NWD1: variants seen among roughly 807,000 people sequenced by gnomAD.
NWD1 encodes the protein NACHT and WD repeat domain containing 1.
NWD1 carries 129 observed loss-of-function variants against 135.1 expected under a neutral mutation model. The observed-to-expected ratio is 0.96, with a 90% CI of 0.83 to 1.11. The LOEUF (loss-of-function observed/expected upper bound fraction) is 1.11. NWD1 is among the 50% of genes least tolerant of loss of function. The pLI, the probability that NWD1 is intolerant of heterozygous loss-of-function variation, is 0.00. For synonymous variants in NWD1, 773 were observed against 786.0 expected (o/e 0.98, Z 0.28); for missense variants, 1,740 against 1,851.3 (o/e 0.94, Z 1.10).
At chr19:16,788,151 AC>A (rs1457906011) in intron 12 of NWD1, among the ~76,000 whole-genome samples, 2 of 147,380 alleles carry the variant, frequency 1.4e-5, no homozygotes, top group South Asian at 2.1e-4. Flanking sequence ...AATTGCTTGA[AC>A]CCGGGAAGTG....
At chr19:16,804,299 G>T (rs1011615405) in intron 17 of NWD1, among the ~76,000 whole-genome samples, 25 of 151,942 alleles carry the variant, frequency 1.6e-4, no homozygotes, top group African/African-American at 6.0e-4. Flanking sequence ...TAGCAAATGG[G>T]GCCAGGTGTG....
At chr19:16,809,096 T>TA in intron 18 of NWD1, among the ~76,000 whole-genome samples, 1 of 143,258 alleles carries the variant, frequency 7.0e-6, no homozygotes, top group East Asian at 2.2e-4. Flanking sequence ...AGATAAATAA[T>TA]TTTTTTTTTT....
Position 16,749,223 on chromosome 19 carries a change from A to C in NWD1, c.581A>C (p.Asp194Ala), listed in dbSNP as rs1599460574. Residue 194 changes from aspartate to alanine, a missense_variant, in exon 6 of 19, where the codon GAC (aspartate) becomes GCC (alanine). Transcript: ENST00000524140. Reference sequence around the variant, plus strand: ...ACCGTCTTCCTTAGAGAGATCCAAGACCTCCACAAACACATCCTTGAAGAC... The same window carrying C: ...ACCGTCTTCCTTAGAGAGATCCAAGCCCTCCACAAACACATCCTTGAAGAC... ...GATVFLREIQ[D>A]LHKHILEDCA... 6.2e-7 allele frequency: 1 copy of C among 1,613,804 alleles called. No individual in the cohort carries two copies. The highest frequency in any genetic ancestry group is 8.5e-7 in the Non-Finnish European group (1 of 1,179,950).
intron 6 of NWD1, among the ~76,000 whole-genome samples, chr19:16,750,833 C>T (rs1453209407): frequency 3.3e-5 from 5 of 152,002 alleles, no homozygotes; most frequent in Admixed American, 6.6e-5. Flanking sequence ...GTCAACTATA[C>T]CTCAAAAGCT....
chr19:16,808,192 G>T, intron 18 of NWD1, 56 bp downstream of exon 18: 1 of 1,505,444 alleles, frequency 6.6e-7, no homozygotes, highest in African/African-American at 1.4e-5. Context: ...AAAACTGATA[G>T]ATAGCCATCA....
intron 15 of NWD1, among the ~76,000 whole-genome samples, chr19:16,797,520 T>C (rs1480883359): frequency 6.6e-6 from 1 of 151,820 alleles, no homozygotes; most frequent in East Asian, 2.0e-4. Flanking sequence ...TAGTAGAGAA[T>C]AAAATACATG....
At chr19:16,791,743 C>A in intron 14 of NWD1, 121 bp downstream of exon 14, 1 of 1,065,476 alleles carries the variant, frequency 9.4e-7, no homozygotes, top group Non-Finnish European at 1.4e-6. Context: ...GATGAAGTTT[C>A]ACTTTTGTTG....
rs201594879 is a variant in NWD1, at chr19:16,799,933, C to T, written c.3507C>T (p.Gly1169=). ...EQGTLLDILE[G]VGAPVSLLAR... is the part of the protein sequence containing the mutation. ...GGACCCTTCTGGACATCCTGGAAGG[C>T]GTCGGGGCCCCCGTGAGCCTGCTGG... Residue 1169 remains glycine, a synonymous_variant, in exon 17 of 19, where the codon GGC becomes GGT. Transcript: ENST00000524140. 9.3e-6 allele frequency: 15 copies of T among 1,613,724 alleles called. No individual in the cohort carries two copies. Among genetic ancestry groups the T allele is most frequent in the Admixed American group, 3.3e-5 (2 of 59,976 alleles).
At chr19:16,804,158 C>A (rs1382792214) in intron 17 of NWD1, among the ~76,000 whole-genome samples, 1 of 152,046 alleles carries the variant, frequency 6.6e-6, no homozygotes, top group African/African-American at 2.4e-5. Flanking sequence ...AAGGGTTGAG[C>A]AAGAATGCAG....
intron 1 of NWD1, among the ~76,000 whole-genome samples, chr19:16,721,867 T>C (rs1370473092): frequency 3.3e-5 from 5 of 152,104 alleles, no homozygotes; most frequent in Non-Finnish European, 5.9e-5. Context: ...TCCCAGCACT[T>C]TGGGAGGCTG....
At chr19:16,759,154 C>T in intron 6 of NWD1, 71 bp from the exon 7 acceptor site, 1 of 1,345,836 alleles carries the variant, frequency 7.4e-7, no homozygotes, top group South Asian at 1.2e-5. Context: ...CCCTCCCTCT[C>T]TTGGATTCTG....
intron 17 of NWD1, among the ~76,000 whole-genome samples, chr19:16,807,140 G>C (rs1970769087): frequency 6.8e-6 from 1 of 147,988 alleles, no homozygotes; most frequent in South Asian, 2.1e-4. Flanking sequence ...GTGAGCTTCA[G>C]TCTCGCCACT....
In NWD1 at chr19:16,791,570, T is replaced by C; in HGVS notation, c.3161T>C (p.Val1054Ala). 1 of 1,614,184 alleles carries C rather than the reference T, an allele frequency of 6.2e-7. No individual in the cohort carries two copies. The highest frequency in any genetic ancestry group is 2.2e-5 in the East Asian group (1 of 44,886). The change falls in exon 14 of 19, where the codon GTC becomes GCC. Residue 1054 changes from valine to alanine, a missense_variant. Physicochemically the swap from Val to Ala is moderately conservative, Grantham distance 64. Transcript: ENST00000524140. ...GAAACACCTACCTGTGCCGTCTCAG[T>C]CCAGAAGCAAGGAAAGCTTGTTACC... The part of the protein sequence containing the change: ...KEETPTCAVS[V>A]QKQGKLVTGF...
At position 16,761,009 on chromosome 19, in the gene NWD1, C is replaced by T. The variant is rs779483530; in HGVS notation, c.1974-970C>T. 7.2e-5 allele frequency among the ~76,000 whole-genome samples: 11 copies of T among 152,276 alleles called. 1 individual carries two copies. In the South Asian group the frequency reaches 8.3e-4, roughly 12 times the overall value. ...AAAAGGAGACCCTGTCCCCATCAGCCGTCACTCCTCATTCCCCTTCCCTAA... is the reference window on the plus strand; with the variant it reads ...AAAAGGAGACCCTGTCCCCATCAGCTGTCACTCCTCATTCCCCTTCCCTAA... On this transcript the variant is annotated intron_variant, in intron 7 of 18. Coordinates refer to ENST00000524140, the MANE Select transcript of NWD1 (RefSeq NM_001007525.5).
intron 12 of NWD1, among the ~76,000 whole-genome samples, chr19:16,787,218 C>T (rs1267880761): frequency 6.6e-6 from 1 of 152,034 alleles, no homozygotes; most frequent in Non-Finnish European, 1.5e-5. Context: ...CCTCAACCTC[C>T]TGCGCTCAAA....
intron 7 of NWD1, among the ~76,000 whole-genome samples, chr19:16,760,649 G>A (rs548049856): frequency 5.3e-5 from 8 of 151,962 alleles, no homozygotes; most frequent in East Asian, 1.9e-4. Context: ...AGAGTGCAGC[G>A]GCACAATCTT....
intron 12 of NWD1, among the ~76,000 whole-genome samples, chr19:16,780,158 C>CTT (rs530860435): frequency 0.02 from 2,748 of 138,880 alleles, 86 homozygotes; most frequent in African/African-American, 0.065. Flanking sequence ...GGCAAGGTTT[C>CTT]TTTTTTTTTT....
chr19:16,736,041 T>G (rs1445195487), intron 3 of NWD1, among the ~76,000 whole-genome samples: 1 of 151,966 alleles, frequency 6.6e-6, no homozygotes, highest in African/African-American at 2.4e-5. Flanking sequence ...TGCCAGCTCT[T>G]CTATCTAAGT....
chr19:16,760,353 G>T (rs1423427166), intron 7 of NWD1, among the ~76,000 whole-genome samples: 1 of 150,868 alleles, frequency 6.6e-6, no homozygotes, highest in East Asian at 2.0e-4. Flanking sequence ...CAAACTCCTG[G>T]ACTCAAGCAA....
Sources: gnomAD v4.1 joint callset for allele counts (sites outside exome capture counted in the v4.1 genomes callset) on GRCh38, gnomAD v4.1.1 for gene constraint, MANE v1.5 for transcripts, NCBI Gene and HGNC (gene_info 2026-07-23, HGNC 2026-07-21) for gene names.